The following MTERF1 variants were observed in gnomAD, a reference collection of about 807,000 sequenced individuals.
MTERF1 encodes the protein mitochondrial transcription termination factor 1.
In MTERF1, 29 loss-of-function variants were observed where a neutral mutation model predicts 31.6. That is an observed-to-expected ratio of 0.92 (90% CI 0.68 to 1.25). MTERF1 has a LOEUF of 1.25. Among genes scored for constraint, MTERF1 ranks in the 50% most tolerant of loss-of-function variants. MTERF1 has a pLI of 0.00. For synonymous variants in MTERF1, 152 were observed against 164.1 expected (o/e 0.93, Z 0.57); for missense variants, 500 against 469.1 (o/e 1.07, Z -0.61).
chr7:91,873,986 G>T lies in MTERF1; in HGVS notation c.808C>A (p.Leu270Met), dbSNP rs1584460989. The change falls in exon 3 of 3, where the codon CTG (leucine) becomes ATG (methionine). Residue 270 changes from leucine to methionine, a missense_variant. Transcript: ENST00000351870. The part of the protein sequence containing the change: ...RSTFNLNSEE[L>M]LVLICGPGAE... ...CCTGGACCACATATCAGAACCAGCA[G>T]TTCCTCACTGTTCAAATTGAAAGTT... The T allele has an allele frequency of 1.9e-6, 3 of 1,614,054 alleles. No individual in the cohort carries two copies. The highest frequency in any genetic ancestry group is 2.7e-5 in the African/African-American group (2 of 75,016).
At chr7:91,876,969 T>C in intron 2 of MTERF1, 1 of 983,620 alleles carries the variant, frequency 1.0e-6, no homozygotes, top group Non-Finnish European at 1.2e-6. Context: ...GGAAATCAGA[T>C]CAGTACTTTC....
Position 91,870,998 on chromosome 7 carries a change from T to C in MTERF1, c.*2596A>G, listed in dbSNP as rs1789171243. ...ATTACCCAGGCTGGTCTTGAACTCC[T>C]GGGCTCAAGCAATCCTCCCACCTCG... On this transcript the variant is annotated 3_prime_UTR_variant, in exon 3 of 3. Transcript: ENST00000351870. 1.3e-5 allele frequency: 2 copies of C among 149,616 alleles called. No homozygotes were observed. The highest frequency in any genetic ancestry group is 4.9e-5 in the African/African-American group (2 of 40,462). The allele number at this position is 149,616 out of a possible 1,614,324, so 9.3% of individuals were successfully genotyped here. A position where few individuals can be genotyped will look rare whatever the true frequency, so the allele number is the denominator to read the frequency against.
At position 91,873,897 on chromosome 7, in the gene MTERF1, C is replaced by T; in HGVS notation, c.897G>A (p.Lys299=). 1 of 1,614,044 alleles carries T rather than the reference C, an allele frequency of 6.2e-7. No homozygotes were observed. The highest frequency in any genetic ancestry group is 8.5e-7 in the Non-Finnish European group (1 of 1,180,004). Residue 299 remains lysine, a synonymous_variant, in exon 3 of 3, where the codon AAG becomes AAA. Transcript: ENST00000351870. ...CTTCAGTACATCCAAGAGAAAACAG[C>T]TTCTCTTTGATGTTTGCGTAGCTTC... is the stretch of plus-strand genomic sequence containing the variant. ...ARRSYANIKE[K]LFSLGCTEEE...
chr7:91,880,149 A>C, intron 1 of MTERF1, 36 bp from the exon 2 acceptor site: 2 of 1,557,080 alleles, frequency 1.3e-6, no homozygotes, highest in South Asian at 2.3e-5. Flanking sequence ...AAAAGGCAAA[A>C]TATTTCAGGC....
chr7:91,873,013 A>G lies in MTERF1; in HGVS notation c.*581T>C, dbSNP rs1789221118. On this transcript the variant is annotated 3_prime_UTR_variant, in exon 3 of 3. Coordinates refer to ENST00000351870, the MANE Select transcript of MTERF1 (RefSeq NM_006980.5). ...AAGGGTAGGTAGATTTTTTAAATAT[A>G]ATTACTCTTATAAAAGGAAGAAATA... 6.6e-6 allele frequency: 1 copy of G among 152,232 alleles called. No individual in the cohort carries two copies. The highest frequency in any genetic ancestry group is 1.5e-5 in the Non-Finnish European group (1 of 68,046). The allele number at this position is 152,232 out of a possible 1,614,324, so 9.4% of individuals were successfully genotyped here.
At chr7:91,875,574 A>T (rs746123410) in intron 2 of MTERF1, among the ~76,000 whole-genome samples, 37 of 152,050 alleles carry the variant, frequency 2.4e-4, no homozygotes, top group Non-Finnish European at 4.7e-4. Context: ...TCTTATAATG[A>T]CACTTTCATT....
chr7:91,874,197 A>G lies in MTERF1; in HGVS notation c.597T>C (p.Asn199=), dbSNP rs1189674090. 6 of 1,614,212 alleles carry G rather than the reference A, an allele frequency of 3.7e-6. No individual in the cohort carries two copies. The East Asian group carries it at 1.1e-4, about 30-fold the overall frequency. Residue 199 remains asparagine (N), a synonymous_variant, in exon 3 of 3, where the codon AAT becomes AAC. Transcript: ENST00000351870. The part of the protein sequence containing the change: ...TRKCLCRLLT[N]APRTFSNSLD... ...GACTATTGGAGAAGGTACGAGGGGC[A>G]TTGGTCAACAATCGACAAAGGCATT...
rs183726341 is a variant in MTERF1 at position 91,874,737 on chromosome 7, G to C, written c.57C>G (p.Thr19=). The change falls in exon 3 of 3, where the codon ACC becomes ACG. Residue 19 remains threonine, a synonymous_variant. Coordinates refer to ENST00000351870, the MANE Select transcript of MTERF1 (RefSeq NM_006980.5). ...GCCAGAGGTTTCCTGGTGCCATAATGGTTAGGTAGTTCAAACCTTTTGAAA... is the reference window on the plus strand; with the variant it reads ...GCCAGAGGTTTCCTGGTGCCATAATCGTTAGGTAGTTCAAACCTTTTGAAA... ...TSISKGLNYL[T]IMAPGNLWHM... 1.5e-4 allele frequency: 244 copies of C among 1,610,138 alleles called. 1 individual carries two copies. In the East Asian group the frequency reaches 4.8e-3, roughly 32 times the overall value.
Position 91,873,567 on chromosome 7 carries a change from T to C in MTERF1, c.*27A>G. The C allele has an allele frequency of 6.5e-7, 1 of 1,543,360 alleles. No homozygotes were observed. The highest frequency in any genetic ancestry group is 8.8e-7 in the Non-Finnish European group (1 of 1,139,214). ...CAATGTGGCATAACATATTCACAGT[T>C]CCTGAGAATTAAAAACATTGGCATC... On this transcript the variant is annotated 3_prime_UTR_variant, in exon 3 of 3. Coordinates refer to ENST00000351870, the MANE Select transcript of MTERF1 (RefSeq NM_006980.5).
At position 91,873,931 on chromosome 7, in the gene MTERF1, T is replaced by C; in HGVS notation, c.863A>G (p.Tyr288Cys). ...GATGTTTGCGTAGCTTCTTCTGGCA[T>C]AGTCATTGGAAAGGTCTAGGATTTC... ...GAEILDLSNDYARRSYANIKE... is the reference protein window; with the variant it reads ...GAEILDLSNDCARRSYANIKE... The change falls in exon 3 of 3, where the codon TAT (tyrosine) becomes TGT (cysteine). Residue 288 changes from tyrosine to cysteine, a missense_variant. By Grantham distance (194) the Tyr-to-Cys change is radical. Coordinates refer to ENST00000351870, the MANE Select transcript of MTERF1 (RefSeq NM_006980.5). 2.5e-6 allele frequency: 4 copies of C among 1,614,052 alleles called. No homozygotes were observed. Among genetic ancestry groups the C allele is most frequent in the East Asian group, 2.2e-5 (1 of 44,880 alleles).
chr7:91,875,057 C>T (rs1018082775), intron 2 of MTERF1, among the ~76,000 whole-genome samples: 1 of 152,200 alleles, frequency 6.6e-6, no homozygotes, highest in African/African-American at 2.4e-5. Flanking sequence ...ATAACTGTCT[C>T]TCCCTAGCTC....
rs1344001032 is a variant in MTERF1, at chr7:91,873,776, T to A, written c.1018A>T (p.Ile340Phe). ...TTTTCGATTATTTGTGAAATGCTAA[T>A]GTTTTCTTCCATGAGGCAGTCTATT... is the stretch of plus-strand genomic sequence containing the variant. ...DKIDCLMEEN[I>F]SISQIIENPR... Residue 340 changes from isoleucine (I) to phenylalanine (F), a missense_variant, in exon 3 of 3, where the codon ATT (isoleucine) becomes TTT (phenylalanine). Coordinates refer to ENST00000351870, the MANE Select transcript of MTERF1 (RefSeq NM_006980.5). The A allele has an allele frequency of 6.2e-7, 1 of 1,614,154 alleles. No homozygotes were observed. The highest frequency in any genetic ancestry group is 1.7e-5 in the Admixed American group (1 of 60,018).
At position 91,874,015 on chromosome 7, in the gene MTERF1, C is replaced by T. The variant is rs530927148; in HGVS notation, c.779G>A (p.Arg260Gln). The change falls in exon 3 of 3, where the codon CGG (arginine) becomes CAG (glutamine). Residue 260 changes from arginine to glutamine, a missense_variant. Physicochemically the swap from Arg to Gln is conservative, Grantham distance 43 (BLOSUM62 1). Coordinates refer to ENST00000351870, the MANE Select transcript of MTERF1 (RefSeq NM_006980.5). Reference protein sequence around the residue: ...KRVKANIEFLRSTFNLNSEEL... With the variant: ...KRVKANIEFLQSTFNLNSEEL... The stretch of plus-strand genomic sequence containing the variant: ...CTCACTGTTCAAATTGAAAGTTGAC[C>T]GTAAGAATTCAATGTTAGCTTTCAC... The T allele has an allele frequency of 6.2e-6, 10 of 1,613,956 alleles. No homozygotes were observed. The highest frequency in any genetic ancestry group is 1.1e-5 in the South Asian group (1 of 91,072).
chr7:91,875,399 C>T (rs576537246), intron 2 of MTERF1, among the ~76,000 whole-genome samples: 2 of 152,146 alleles, frequency 1.3e-5, no homozygotes, highest in African/African-American at 4.8e-5. Context: ...CACAGGAATG[C>T]CCCACACGCC....
At chr7:91,878,752 T>G (rs1789413748) in intron 2 of MTERF1, among the ~76,000 whole-genome samples, 2 of 152,252 alleles carry the variant, frequency 1.3e-5, no homozygotes, top group South Asian at 4.1e-4. Flanking sequence ...GGAGGACTGC[T>G]TGAGCCCAGG....
At position 91,874,171 on chromosome 7, in the gene MTERF1, A is replaced by G; in HGVS notation, c.623T>C (p.Leu208Pro). ...TTCAACCATCTGTTTATTCAGATCAAGACTATTGGAGAAGGTACGAGGGGC... is the reference window on the plus strand; with the variant it reads ...TTCAACCATCTGTTTATTCAGATCAGGACTATTGGAGAAGGTACGAGGGGC... ...TNAPRTFSNS[L>P]DLNKQMVEFL... The change falls in exon 3 of 3, where the codon CTT becomes CCT. Residue 208 changes from leucine to proline, a missense_variant. By Grantham distance (98) the Leu-to-Pro change is moderately conservative (BLOSUM62 -3). Coordinates refer to ENST00000351870, the MANE Select transcript of MTERF1 (RefSeq NM_006980.5). 2 of 1,614,190 alleles carry G rather than the reference A, an allele frequency of 1.2e-6. No individual in the cohort carries two copies. The highest frequency in any genetic ancestry group is 1.3e-5 in the African/African-American group (1 of 75,058).
chr7:91,876,789 T>A, intron 2 of MTERF1: 1 of 490,406 alleles, frequency 2.0e-6, no homozygotes, highest in Non-Finnish European at 2.6e-6. Context: ...TAATACCACA[T>A]ACTACTCTGT....
intron 2 of MTERF1, among the ~76,000 whole-genome samples, chr7:91,879,483 G>A (rs1165636746): frequency 6.6e-6 from 1 of 152,120 alleles, no homozygotes; most frequent in African/African-American, 2.4e-5. Flanking sequence ...CTGAAATACT[G>A]GGACTTTATT....
intron 2 of MTERF1, among the ~76,000 whole-genome samples, chr7:91,875,909 C>G (rs1789334960): frequency 6.6e-6 from 1 of 152,196 alleles, no homozygotes; most frequent in Non-Finnish European, 1.5e-5. Context: ...TCAAAATGAT[C>G]TAGTTGTGAT....
Sources: gnomAD v4.1 joint callset for allele counts (sites outside exome capture counted in the v4.1 genomes callset) on GRCh38, gnomAD v4.1.1 for gene constraint, MANE v1.5 for transcripts, NCBI Gene and HGNC (gene_info 2026-07-23, HGNC 2026-07-21) for gene names.